Variants in NAV1 observed in about 807,000 individuals in gnomAD.
NAV1 encodes neuron navigator 1.
NAV1 carries 18 observed loss-of-function variants against 175.2 expected under a neutral mutation model. That is an observed-to-expected ratio of 0.10 (90% CI 0.07 to 0.15). The LOEUF (loss-of-function observed/expected upper bound fraction) is 0.15. Among genes scored for constraint, NAV1 ranks in the 10% least tolerant of loss-of-function variants. The probability of loss-of-function intolerance (pLI) is 1.00; values close to 1 mark genes in which losing one functional copy is unlikely to be tolerated. For synonymous variants in NAV1, 897 were observed against 978.7 expected (o/e 0.92, Z 1.56); for missense variants, 1,731 against 2,436.6 (o/e 0.71, Z 6.10).
intron 1 of NAV1, among the ~76,000 whole-genome samples, chr1:201,660,893 G>A (rs1669585320): frequency 1.3e-5 from 2 of 152,182 alleles, no homozygotes; most frequent in Admixed American, 1.3e-4. Flanking sequence ...CAGGGTGGCA[G>A]GGGGAGCACA....
At chr1:201,791,783 A>C (rs944432760) in intron 13 of NAV1, 1 of 152,146 alleles carries the variant, frequency 6.6e-6, no homozygotes, top group Non-Finnish European at 1.5e-5. Flanking sequence ...TCTTTTCCCA[A>C]ACCCTCAATT....
Position 201,808,670 on chromosome 1 carries a change from T to A in NAV1, c.4039-33T>A. 6.2e-7 allele frequency: 1 copy of A among 1,614,194 alleles called. No homozygotes were observed. Among genetic ancestry groups the A allele is most frequent in the Non-Finnish European group, 8.5e-7 (1 of 1,180,032 alleles). On this transcript the variant is annotated intron_variant, in intron 19 of 29. Transcript: ENST00000367296. The surrounding 1 kb of genome is among the most constrained non-coding windows in gnomAD (Gnocchi z 5.5). ...AGACCAAGGCTTGCTGTCTGTCCAGTCTGCCACCCTACCCTGTCTGTTCTT... is the reference window on the plus strand; with the variant it reads ...AGACCAAGGCTTGCTGTCTGTCCAGACTGCCACCCTACCCTGTCTGTTCTT...
chr1:201,547,142 A>G (rs981334436), intron 1 of NAV1, among the ~76,000 whole-genome samples: 5 of 151,880 alleles, frequency 3.3e-5, no homozygotes, highest in South Asian at 4.2e-4. Context: ...ACGCGCCACC[A>G]TGCCCGGCTA....
At chr1:201,692,763 G>A (rs1231235605) in intron 1 of NAV1, among the ~76,000 whole-genome samples, 1 of 152,254 alleles carries the variant, frequency 6.6e-6, no homozygotes. Context: ...GGCACCTACA[G>A]AGAGAGAAGA....
At chr1:201,767,437 C>T (rs188774359) in intron 3 of NAV1, among the ~76,000 whole-genome samples, 443 of 137,234 alleles carry the variant, frequency 3.2e-3, no homozygotes, top group African/African-American at 0.011. Context: ...GGTGACAGGG[C>T]GAGACTCCGC....
chr1:201,648,655 T>C, exon 1 of NAV1: 1 of 1,377,370 alleles, frequency 7.3e-7, no homozygotes, highest in South Asian at 1.7e-5. Flanking sequence ...GTCCATGCGC[T>C]CCTCGCGGGC....
At chr1:201,562,805 G>A (rs1666239676) in intron 1 of NAV1, among the ~76,000 whole-genome samples, 1 of 152,114 alleles carries the variant, frequency 6.6e-6, no homozygotes, top group Non-Finnish European at 1.5e-5. Flanking sequence ...GGCAGGGAGG[G>A]GTGGGGCAGG....
At chr1:201,780,371 T>A (rs2102705093) in intron 3 of NAV1, 50 bp from the exon 8 acceptor site, 1 of 1,607,416 alleles carries the variant, frequency 6.2e-7, no homozygotes, top group Middle Eastern at 1.7e-4. Context: ...ATTTATTTTT[T>A]GCCTGGGCTT....
intron 2 of NAV1, among the ~76,000 whole-genome samples, chr1:201,640,484 A>G (rs1668720531): frequency 6.6e-6 from 1 of 152,118 alleles, no homozygotes; most frequent in Non-Finnish European, 1.5e-5. Flanking sequence ...GGCTGTGAGG[A>G]TACCTTGCCC....
intron 2 of NAV1, among the ~76,000 whole-genome samples, chr1:201,715,385 C>T (rs960705206): frequency 2.0e-5 from 3 of 152,146 alleles, no homozygotes; most frequent in Non-Finnish European, 2.9e-5. Context: ...GTCTAGAACT[C>T]CTGACCTCAG....
chr1:201,763,629 C>T (rs1675001289), intron 3 of NAV1, among the ~76,000 whole-genome samples: 1 of 152,206 alleles, frequency 6.6e-6, no homozygotes, highest in Non-Finnish European at 1.5e-5. Context: ...ATTAAGGAGA[C>T]TCCCGTTAAA....
In NAV1 at chr1:201,680,308, G is replaced by A. The variant is rs569491031; in HGVS notation, c.757+30883G>A. Among the ~76,000 whole-genome samples, 490 of 152,260 alleles carry A rather than the reference G, an allele frequency of 3.2e-3. 2 individuals are homozygous for A. The highest frequency in any genetic ancestry group is 4.3e-3 in the Non-Finnish European group (294 of 68,022). On this transcript the variant is annotated intron_variant, in intron 1 of 29. Coordinates refer to ENST00000367296, the Ensembl canonical transcript of NAV1. ...GCGGATCACCTGAGGTCAGGAGTTC[G>A]AGACCAGCCTCAACATGGAGAAACC...
intron 1 of NAV1, among the ~76,000 whole-genome samples, chr1:201,585,073 C>T (rs767531574): frequency 6.7e-6 from 1 of 149,334 alleles, no homozygotes; most frequent in Admixed American, 6.6e-5. Flanking sequence ...GTTCCCCATT[C>T]GGGTAGTTTT....
chr1:201,790,416 C>G lies in NAV1; in HGVS notation c.3220-138C>G, dbSNP rs775067776. ...CCTGTGAGGAGCCAGGGCCAGGAAACAAGAGTTTCAGCCTCTCTGCACCTC... is the reference window on the plus strand; with the variant it reads ...CCTGTGAGGAGCCAGGGCCAGGAAAGAAGAGTTTCAGCCTCTCTGCACCTC... On this transcript the variant is annotated intron_variant, in intron 11 of 29. Coordinates refer to ENST00000367296, the Ensembl canonical transcript of NAV1. 595 of 925,566 alleles carry G rather than the reference C, an allele frequency of 6.4e-4. 5 individuals carry two copies. The highest frequency in any genetic ancestry group is 1.3e-3 in the Middle Eastern group (4 of 3,186). The allele number at this position is 925,566 out of a possible 1,614,324, so 57.3% of individuals were successfully genotyped here.
intron 3 of NAV1, among the ~76,000 whole-genome samples, chr1:201,741,284 A>C (rs529474098): frequency 1.1e-4 from 16 of 152,192 alleles, no homozygotes; most frequent in African/African-American, 3.9e-4. Flanking sequence ...CGCTGACTCC[A>C]AACTTTTTTC....
rs555800922 is a variant in NAV1 at position 201,653,627 on chromosome 1, G to T, written c.757+4202G>T. ...TTTATTCAGTGCATTGTGGGGCTGG[G>T]GTGGGTAGAGAATTCTCCAAAGAAC... On this transcript the variant is annotated intron_variant, in intron 1 of 29. Coordinates refer to ENST00000367296, the Ensembl canonical transcript of NAV1. 6.6e-5 allele frequency among the ~76,000 whole-genome samples: 10 copies of T among 152,244 alleles called. No individual in the cohort carries two copies. The East Asian group carries it at 1.9e-3, about 29-fold the overall frequency.
intron 2 of NAV1, among the ~76,000 whole-genome samples, chr1:201,601,893 T>G (rs1667523579): frequency 6.6e-6 from 1 of 152,122 alleles, no homozygotes; most frequent in Admixed American, 6.6e-5. Flanking sequence ...TTCTACTCCC[T>G]CATGGCAGCC....
chr1:201,640,281 A>G (rs1668714038), intron 2 of NAV1, among the ~76,000 whole-genome samples: 1 of 152,196 alleles, frequency 6.6e-6, no homozygotes, highest in Non-Finnish European at 1.5e-5. Context: ...AAATATCTCA[A>G]CTACCAATGC....
At chr1:201,563,177 G>A (rs1666253471) in intron 1 of NAV1, among the ~76,000 whole-genome samples, 1 of 152,138 alleles carries the variant, frequency 6.6e-6, no homozygotes, top group Non-Finnish European at 1.5e-5. Context: ...GCAAGCTGGT[G>A]GTGCGACTCA....
Sources: gnomAD v4.1 joint callset for allele counts (sites outside exome capture counted in the v4.1 genomes callset) on GRCh38, gnomAD v4.1.1 for gene constraint, Gnocchi (gnomAD v3.1) non-coding constraint, MANE v1.5 for transcripts, NCBI Gene and HGNC (gene_info 2026-07-23, HGNC 2026-07-21) for gene names.